Variants in STYX observed in about 807,000 individuals in gnomAD.
The protein encoded by STYX is serine/threonine/tyrosine-interacting protein.
Under a neutral mutation model 42.7 loss-of-function variants are expected in STYX, and 20 were observed. The observed-to-expected ratio is 0.47, with a 90% confidence interval of 0.33 to 0.68. The LOEUF (loss-of-function observed/expected upper bound fraction) is 0.68, where lower values mean the gene tolerates loss of function less well. Among genes scored for constraint, STYX ranks in the 30% least tolerant of loss-of-function variants. STYX has a pLI of 0.02. For synonymous variants in STYX, 78 were observed against 81.9 expected, an observed-to-expected ratio of 0.95 and a Z score of 0.26; for missense variants, 226 against 268.5, an observed-to-expected ratio of 0.84 and a Z score of 1.11.
At chr14:52,752,170 C>T (rs1406972673) in intron 4 of STYX, among the ~76,000 whole-genome samples, 1 of 106,982 alleles carries the variant, frequency 9.3e-6, no homozygotes, top group Non-Finnish European at 2.0e-5. Context: ...AAAAACAAAA[C>T]AAAACAAAAC....
intron 9 of STYX, among the ~76,000 whole-genome samples, chr14:52,760,379 T>C (rs937101335): frequency 6.6e-6 from 1 of 152,220 alleles, no homozygotes; most frequent in Non-Finnish European, 1.5e-5. Context: ...ATACTAACTA[T>C]AACAGCTTTT....
At chr14:52,744,777 G>C (rs1245320824) in intron 1 of STYX, 75 bp from the exon 2 acceptor site, 1 of 1,344,924 alleles carries the variant, frequency 7.4e-7, no homozygotes, top group Admixed American at 1.8e-5. Context: ...ACATACTTGT[G>C]TGTCACATCT....
At chr14:52,757,172 A>G (rs1469680925) in intron 5 of STYX, 147 bp from the exon 6 acceptor site, 1 of 557,086 alleles carries the variant, frequency 1.8e-6, no homozygotes, top group Non-Finnish European at 2.9e-6. Context: ...GACTTGTAAT[A>G]GTTCTATTTA....
At chr14:52,768,818 A>T in intron 9 of STYX, 22 bp from the exon 10 acceptor site, 1 of 1,482,856 alleles carries the variant, frequency 6.7e-7, no homozygotes, top group Non-Finnish European at 9.2e-7. Context: ...TAATTAAGTT[A>T]ATTAACTTAT....
chr14:52,752,876 G>T (rs1340078313), intron 4 of STYX, among the ~76,000 whole-genome samples: 7 of 125,090 alleles, frequency 5.6e-5, no homozygotes, highest in South Asian at 2.7e-4. Context: ...TTTTTTTGTT[G>T]TTGTTGTTTT....
intron 1 of STYX, among the ~76,000 whole-genome samples, chr14:52,735,117 A>G (rs190313431): frequency 6.6e-6 from 1 of 151,958 alleles, no homozygotes; most frequent in East Asian, 1.9e-4. Flanking sequence ...CAAGGATTTG[A>G]CCAAACCCAG....
chr14:52,754,049 C>T lies in STYX; in HGVS notation c.243-2502C>T, dbSNP rs576805348. On this transcript the variant is annotated intron_variant, in intron 4 of 10. Transcript: ENST00000354586. Reference sequence around the variant, plus strand: ...AGATTACAGGCATGTGCCACCACGCCTGGCTAATTTTTGTATTTTTAGTAG... The same window carrying T: ...AGATTACAGGCATGTGCCACCACGCTTGGCTAATTTTTGTATTTTTAGTAG... 1.4e-3 allele frequency among the ~76,000 whole-genome samples: 219 copies of T among 151,832 alleles called. 1 individual carries two copies. The highest frequency in any genetic ancestry group is 5.2e-3 in the African/African-American group (214 of 41,404).
intron 4 of STYX, among the ~76,000 whole-genome samples, chr14:52,751,066 T>G: frequency 6.6e-6 from 1 of 152,160 alleles, no homozygotes; most frequent in Non-Finnish European, 1.5e-5. Flanking sequence ...CATTATTTTA[T>G]CTCTTGAGGG....
In STYX at chr14:52,771,128, G is replaced by A. The variant is rs201358475; in HGVS notation, c.*22G>A. ...CTGACTTGAAGAGCAACATCATAGAGTGTGAATTTCTATTTGGGAAGGAGA... is the reference window on the plus strand; with the variant it reads ...CTGACTTGAAGAGCAACATCATAGAATGTGAATTTCTATTTGGGAAGGAGA... On this transcript the variant is annotated 3_prime_UTR_variant, in exon 11 of 11. Transcript: ENST00000354586. 1.3e-6 allele frequency: 2 copies of A among 1,575,940 alleles called. No homozygotes were observed. Among genetic ancestry groups the A allele is most frequent in the Non-Finnish European group, 1.7e-6 (2 of 1,158,704 alleles).
chr14:52,767,015 CAACA>C (rs763486876), intron 9 of STYX, among the ~76,000 whole-genome samples: 1 of 151,982 alleles, frequency 6.6e-6, no homozygotes, highest in Non-Finnish European at 1.5e-5. Flanking sequence ...GAGAATCAGA[CAACA>C]AACAAAATGT....
At chr14:52,762,525 A>G (rs780150491) in intron 9 of STYX, among the ~76,000 whole-genome samples, 1 of 152,022 alleles carries the variant, frequency 6.6e-6, no homozygotes, top group Non-Finnish European at 1.5e-5. Context: ...TGTATTTGCT[A>G]ATCTTTTTGT....
At chr14:52,750,571 A>C (rs1214133281) in intron 3 of STYX, 112 bp from the exon 4 acceptor site, 3 of 687,310 alleles carry the variant, frequency 4.4e-6, no homozygotes, top group Non-Finnish European at 7.2e-6. Flanking sequence ...GGACTTAAGC[A>C]GAGATGTGGG....
At chr14:52,759,643 A>G (rs1882015162) in intron 8 of STYX, 39 bp from the exon 9 acceptor site, 1 of 1,351,222 alleles carries the variant, frequency 7.4e-7, no homozygotes, top group African/African-American at 1.4e-5. Context: ...TAATTCATTA[A>G]ATAATGCTAT....
chr14:52,738,266 GCTT>G (rs1881041323), intron 1 of STYX, among the ~76,000 whole-genome samples: 1 of 152,136 alleles, frequency 6.6e-6, no homozygotes, highest in Non-Finnish European at 1.5e-5. Flanking sequence ...TCTGAAGAAG[GCTT>G]CTTATCTGTC....
intron 3 of STYX, among the ~76,000 whole-genome samples, chr14:52,748,490 AG>A (rs1341794416): frequency 2.6e-5 from 4 of 152,220 alleles, no homozygotes; most frequent in Non-Finnish European, 5.9e-5. Context: ...TTTAAATAAA[AG>A]GGACAAATTT....
chr14:52,733,532 C>T (rs1048565571), intron 1 of STYX, among the ~76,000 whole-genome samples: 2 of 152,190 alleles, frequency 1.3e-5, no homozygotes, highest in Non-Finnish European at 2.9e-5. Context: ...TAGGTTGTCA[C>T]CTATACACTC....
At position 52,731,365 on chromosome 14, in the gene STYX, C is replaced by G. The variant is rs144700523; in HGVS notation, c.57+834C>G. Among the ~76,000 whole-genome samples the G allele has an allele frequency of 1.1e-3, 158 of 150,450 alleles. 2 individuals are homozygous for G. Among genetic ancestry groups the G allele is most frequent in the African/African-American group, 3.7e-3 (151 of 40,866 alleles). The stretch of plus-strand genomic sequence containing the variant: ...TAAAGTAGTTGGGAAAAATAAAGCC[C>G]TATTTTTAGGAGACCATTCAATTTA... On this transcript the variant is annotated intron_variant, in intron 1 of 10. Coordinates refer to ENST00000354586, the MANE Select transcript of STYX (RefSeq NM_145251.4).
At chr14:52,770,845 G>T (rs573719617) in intron 10 of STYX, among the ~76,000 whole-genome samples, 188 bp from the exon 11 acceptor site, 2 of 152,138 alleles carry the variant, frequency 1.3e-5, no homozygotes, top group African/African-American at 4.8e-5. Flanking sequence ...AATATATCCT[G>T]TCATGAAGAT....
intron 4 of STYX, among the ~76,000 whole-genome samples, chr14:52,755,241 G>A (rs925306466): frequency 4.0e-5 from 6 of 151,658 alleles, no homozygotes; most frequent in African/African-American, 1.5e-4. Context: ...TCCTGCCTCA[G>A]CCTCCTGAGT....
Sources: gnomAD v4.1 joint callset for allele counts (sites outside exome capture counted in the v4.1 genomes callset) on GRCh38, gnomAD v4.1.1 for gene constraint, MANE v1.5 for transcripts, NCBI Gene and HGNC (gene_info 2026-07-23, HGNC 2026-07-21) for gene names.